TRABD2B: variants seen among roughly 807,000 people sequenced by gnomAD.
TRABD2B encodes the protein TraB domain containing 2B.
A neutral mutation model predicts 40.1 loss-of-function variants in TRABD2B; 14 were observed. The observed-to-expected ratio is 0.35, with a 90% CI of 0.23 to 0.55. The LOEUF is 0.55. TRABD2B is among the 20% of genes least tolerant of loss of function. The probability of loss-of-function intolerance (pLI) is 0.90; values close to 1 mark genes in which losing one functional copy is unlikely to be tolerated. For missense variants in TRABD2B, 541 were observed against 648.6 expected (o/e 0.83, Z 1.80); for synonymous variants, 263 against 277.0 (o/e 0.95, Z 0.50).
At chr1:47,822,344 C>A (rs11211611) in intron 2 of TRABD2B, among the ~76,000 whole-genome samples, 47,389 of 152,130 alleles carry the variant, frequency 0.31, 7,736 homozygotes, top group Non-Finnish European at 0.37. Flanking sequence ...TAGGCCCCTG[C>A]CTGGTTTTTA....
intron 2 of TRABD2B, among the ~76,000 whole-genome samples, chr1:47,909,687 T>C (rs1570266806): frequency 6.7e-6 from 1 of 148,974 alleles, no homozygotes; most frequent in East Asian, 2.0e-4. Context: ...ACTAAGACAT[T>C]CATGAAGGAT....
intron 6 of TRABD2B, among the ~76,000 whole-genome samples, chr1:47,767,709 C>T (rs2124415380): frequency 6.6e-6 from 1 of 152,328 alleles, no homozygotes; most frequent in African/African-American, 2.4e-5. Flanking sequence ...AGAGGGTAGG[C>T]TGTAGAAACA....
chr1:47,862,860 T>C (rs2124560441), intron 2 of TRABD2B, among the ~76,000 whole-genome samples: 1 of 152,210 alleles, frequency 6.6e-6, no homozygotes, highest in East Asian at 1.9e-4. Context: ...ATCAAGACAG[T>C]GTGGTGTTGG....
At chr1:47,968,772 A>C (rs941026485) in intron 2 of TRABD2B, among the ~76,000 whole-genome samples, 2 of 152,056 alleles carry the variant, frequency 1.3e-5, no homozygotes, top group African/African-American at 4.8e-5. Flanking sequence ...CTTCCAATCT[A>C]CTATTTTATT....
chr1:47,773,729 G>A (rs574205998), intron 6 of TRABD2B, among the ~76,000 whole-genome samples: 1 of 152,170 alleles, frequency 6.6e-6, no homozygotes, highest in South Asian at 2.1e-4. Flanking sequence ...ACCCAGTCTC[G>A]GGTATGTCTT....
At position 47,775,354 on chromosome 1, in the gene TRABD2B, C is replaced by A; in HGVS notation, c.1165G>T (p.Ala389Ser). 8.1e-7 allele frequency: 1 copy of A among 1,239,296 alleles called. No individual in the cohort carries two copies. Among genetic ancestry groups the A allele is most frequent in the Non-Finnish European group, 1.0e-6 (1 of 990,308 alleles). 76.8% of individuals were successfully genotyped at this position (1,239,296 alleles called of 1,614,324 possible). ...PVTPAAAVPE[A>S]PSVTPTAPPE... ...GGGGCGGTGGGGGTCACAGAGGGTG[C>A]TTCGGGGACAGCGGCAGCTGGGGTC... is the stretch of plus-strand genomic sequence containing the variant. Residue 389 changes from alanine (A) to serine (S), a missense_variant, in exon 6 of 7, where the codon GCA becomes TCA. Coordinates refer to ENST00000606738, the MANE Select transcript of TRABD2B (RefSeq NM_001194986.2).
chr1:47,778,675 G>T, intron 4 of TRABD2B, 131 bp from the exon 5 acceptor site: 1 of 685,814 alleles, frequency 1.5e-6, no homozygotes, highest in Non-Finnish European at 2.6e-6. Context: ...CAGATTCCCT[G>T]AGAGGCAGTA....
intron 6 of TRABD2B, among the ~76,000 whole-genome samples, chr1:47,771,912 C>A (rs558599732): frequency 6.6e-6 from 1 of 152,176 alleles, no homozygotes; most frequent in Non-Finnish European, 1.5e-5. Flanking sequence ...GCACTCCAGG[C>A]GCGTCCCTGG....
chr1:47,933,118 T>C (rs1432521204), intron 2 of TRABD2B, among the ~76,000 whole-genome samples: 1 of 151,862 alleles, frequency 6.6e-6, no homozygotes, highest in Non-Finnish European at 1.5e-5. Context: ...TTTTTTTTTT[T>C]TTTTTGAGAC....
chr1:47,784,384 A>G (rs1340333132), intron 4 of TRABD2B, among the ~76,000 whole-genome samples: 1 of 152,082 alleles, frequency 6.6e-6, no homozygotes, highest in Non-Finnish European at 1.5e-5. Flanking sequence ...ATAACACACA[A>G]TTAACAGGGC....
intron 2 of TRABD2B, among the ~76,000 whole-genome samples, chr1:47,940,159 C>T (rs936854981): frequency 2.6e-5 from 4 of 152,186 alleles, no homozygotes; most frequent in Non-Finnish European, 1.5e-5. Flanking sequence ...GCCCTTAGAC[C>T]CCTTCTCTGT....
intron 2 of TRABD2B, among the ~76,000 whole-genome samples, chr1:47,848,620 C>T (rs983576097): frequency 3.9e-5 from 6 of 152,222 alleles, no homozygotes; most frequent in African/African-American, 1.4e-4. Context: ...AAATTCTCAG[C>T]TTGCCCATGA....
At chr1:47,924,414 G>C (rs750982882) in intron 2 of TRABD2B, among the ~76,000 whole-genome samples, 1 of 152,166 alleles carries the variant, frequency 6.6e-6, no homozygotes, top group Non-Finnish European at 1.5e-5. Flanking sequence ...TGCTCAGAAC[G>C]TGGACTCCTA....
At chr1:47,832,232 C>T (rs1645260020) in intron 2 of TRABD2B, among the ~76,000 whole-genome samples, 1 of 152,016 alleles carries the variant, frequency 6.6e-6, no homozygotes, top group Non-Finnish European at 1.5e-5. Flanking sequence ...ACTTGGGAGG[C>T]TGAGGCAGGA....
intron 2 of TRABD2B, among the ~76,000 whole-genome samples, chr1:47,830,326 C>T (rs1645232169): frequency 6.6e-6 from 1 of 152,228 alleles, no homozygotes; most frequent in Admixed American, 6.5e-5. Context: ...ATTCTAGACC[C>T]TTGGGGAGAC....
chr1:47,873,366 A>G (rs551490327), intron 2 of TRABD2B, among the ~76,000 whole-genome samples: 11 of 152,186 alleles, frequency 7.2e-5, no homozygotes. Context: ...AAGTGTCCAC[A>G]ATGTTGATGT....
At chr1:47,804,480 GT>G (rs1238930390) in intron 2 of TRABD2B, among the ~76,000 whole-genome samples, 3 of 152,210 alleles carry the variant, frequency 2.0e-5, no homozygotes, top group Non-Finnish European at 2.9e-5. Flanking sequence ...CTGCTCCCTT[GT>G]TTCTCGGCGT....
At chr1:47,804,928 G>A (rs1448349826) in intron 2 of TRABD2B, among the ~76,000 whole-genome samples, 2 of 152,206 alleles carry the variant, frequency 1.3e-5, no homozygotes, top group Non-Finnish European at 1.5e-5. Flanking sequence ...GCAGGCGGGC[G>A]CCTGAAGTCT....
chr1:47,905,190 A>G (rs1414558023), intron 2 of TRABD2B, among the ~76,000 whole-genome samples: 2 of 152,272 alleles, frequency 1.3e-5, no homozygotes. Context: ...TAACACATGT[A>G]TAAGCATCTG....
Sources: gnomAD v4.1 joint callset for allele counts (sites outside exome capture counted in the v4.1 genomes callset) on GRCh38, gnomAD v4.1.1 for gene constraint, MANE v1.5 for transcripts, NCBI Gene and HGNC (gene_info 2026-07-23, HGNC 2026-07-21) for gene names.